The following HEBP2 variants were observed in gnomAD, a reference collection of about 807,000 sequenced individuals.
HEBP2 encodes the protein heme-binding protein 2.
In HEBP2, 27 loss-of-function variants were observed where a neutral mutation model predicts 23.1. That is an observed-to-expected ratio of 1.17 (90% CI 0.86 to 1.61). The LOEUF is 1.61. HEBP2 is among the 40% of genes most tolerant of loss of function. The pLI, the probability that HEBP2 is intolerant of heterozygous loss-of-function variation, is 0.00. For synonymous variants in HEBP2, 99 were observed against 95.1 expected, an observed-to-expected ratio of 1.04 and a Z score of -0.24; for missense variants, 245 against 253.8, an observed-to-expected ratio of 0.97 and a Z score of 0.24.
chr6:138,410,542 C>T (rs1051217042), intron 3 of HEBP2, among the ~76,000 whole-genome samples: 2 of 148,672 alleles, frequency 1.3e-5, no homozygotes, highest in East Asian at 2.0e-4. Flanking sequence ...AATACAATGG[C>T]GCAATCTCAG....
Position 138,420,919 on chromosome 6 carries a change from G to A in HEBP2, c.*7841G>A, listed in dbSNP as rs1774916646. The A allele has an allele frequency of 6.6e-6, 1 of 152,004 alleles. No homozygotes were observed. The highest frequency in any genetic ancestry group is 6.6e-5 in the Admixed American group (1 of 15,266). 9.4% of individuals were successfully genotyped at this position (152,004 alleles called of 1,614,324 possible). ...AGCTCAACCACGTTTTCTATCTTTG[G>A]GCCTCCTTGTCTTTACCTAGCACAT... On this transcript the variant is annotated 3_prime_UTR_variant, in exon 4 of 4. Coordinates refer to ENST00000607197, the MANE Select transcript of HEBP2 (RefSeq NM_014320.3).
At position 138,420,385 on chromosome 6, in the gene HEBP2, G is replaced by A. The variant is rs1421889865; in HGVS notation, c.*7307G>A. 1.3e-5 allele frequency: 2 copies of A among 152,332 alleles called. No homozygotes were observed. Among genetic ancestry groups the A allele is most frequent in the Middle Eastern group, 3.4e-3 (1 of 294 alleles). The allele number at this position is 152,332 out of a possible 1,614,324, so 9.4% of individuals were successfully genotyped here. A position where few individuals can be genotyped will look rare whatever the true frequency, so the allele number is the denominator to read the frequency against. ...GCGCCCTGAAACAGTCACTCTCTGC[G>A]TGTTTTTGGGAAAATGGATCCACAT... On this transcript the variant is annotated 3_prime_UTR_variant, in exon 4 of 4. Coordinates refer to ENST00000607197, the MANE Select transcript of HEBP2 (RefSeq NM_014320.3).
intron 1 of HEBP2, 33 bp from the exon 2 acceptor site, chr6:138,405,112 T>A: frequency 6.2e-7 from 1 of 1,604,656 alleles, no homozygotes; most frequent in Non-Finnish European, 8.5e-7. Context: ...CCTCTTAGAA[T>A]TGCTTCTCGA....
rs186403426 is a variant in HEBP2 at position 138,418,819 on chromosome 6, T to A, written c.*5741T>A. On this transcript the variant is annotated 3_prime_UTR_variant, in exon 4 of 4. Transcript: ENST00000607197. ...AAAATTGCAATCTTCCTGCAAAAAC[T>A]GGGCAGAATTTTTTGAGGTACACTG... 2.1e-4 allele frequency: 32 copies of A among 152,230 alleles called. No homozygotes were observed. In the East Asian group the frequency reaches 5.8e-3, roughly 28 times the overall value. 9.4% of individuals were successfully genotyped at this position (152,230 alleles called of 1,614,324 possible).
intron 3 of HEBP2, chr6:138,412,062 A>G (rs1223389448): frequency 2.2e-6 from 1 of 449,838 alleles, no homozygotes; most frequent in African/African-American, 2.0e-5. Context: ...TCTGTAATCC[A>G]GTGTTTATTC....
At position 138,414,194 on chromosome 6, in the gene HEBP2, C is replaced by T. The variant is rs190085675; in HGVS notation, c.*1116C>T. ...TTAAAGGGAGAGGCCACGTTCAGTA[C>T]CCAGAACAAAAAGCTGCACACACTG... On this transcript the variant is annotated 3_prime_UTR_variant, in exon 4 of 4. Transcript: ENST00000607197. The T allele has an allele frequency of 6.6e-6, 1 of 152,378 alleles. No individual in the cohort carries two copies. The highest frequency in any genetic ancestry group is 2.4e-5 in the African/African-American group (1 of 41,544). 9.4% of individuals were successfully genotyped at this position (152,378 alleles called of 1,614,324 possible).
chr6:138,410,571 TC>T (rs1361780420), intron 3 of HEBP2, among the ~76,000 whole-genome samples: 2 of 151,126 alleles, frequency 1.3e-5, no homozygotes, highest in Non-Finnish European at 2.9e-5. Context: ...AATGTCCGCC[TC>T]CCAGGTTCAA....
intron 3 of HEBP2, among the ~76,000 whole-genome samples, chr6:138,409,100 C>T (rs1273909573): frequency 6.6e-6 from 1 of 152,018 alleles, no homozygotes; most frequent in South Asian, 2.1e-4. Context: ...GATCATAGCT[C>T]ACTGCAGCCT....
intron 3 of HEBP2, among the ~76,000 whole-genome samples, chr6:138,409,448 C>T (rs1393865845): frequency 6.6e-6 from 1 of 152,226 alleles, no homozygotes; most frequent in Non-Finnish European, 1.5e-5. Flanking sequence ...ACCATTGTGA[C>T]TTACTCGGGT....
At position 138,419,151 on chromosome 6, in the gene HEBP2, T is replaced by G. The variant is rs201361606; in HGVS notation, c.*6073T>G. 6.6e-6 allele frequency: 1 copy of G among 152,186 alleles called. No individual in the cohort carries two copies. Among genetic ancestry groups the G allele is most frequent in the Admixed American group, 6.6e-5 (1 of 15,256 alleles). The allele number at this position is 152,186 out of a possible 1,614,324, so 9.4% of individuals were successfully genotyped here. On this transcript the variant is annotated 3_prime_UTR_variant, in exon 4 of 4. Coordinates refer to ENST00000607197, the MANE Select transcript of HEBP2 (RefSeq NM_014320.3). ...GTAAAATGCACACATAAAGTGGCAGTGGTGGCAAAGATGGAGGCTATGGAT... is the reference window on the plus strand; with the variant it reads ...GTAAAATGCACACATAAAGTGGCAGGGGTGGCAAAGATGGAGGCTATGGAT...
Position 138,404,363 on chromosome 6 carries a change from C to A in HEBP2, c.-133C>A. The A allele has an allele frequency of 1.9e-6, 1 of 521,826 alleles. No homozygotes were observed. Among genetic ancestry groups the A allele is most frequent in the Non-Finnish European group, 2.8e-6 (1 of 352,858 alleles). The allele number at this position is 521,826 out of a possible 1,614,324, so 32.3% of individuals were successfully genotyped here. The stretch of plus-strand genomic sequence containing the variant: ...ATCGGGTGGGCTCGGGTCTCCAGCC[C>A]GGCCGGGAGGAGGGACCGGGTCTGC... On this transcript the variant is annotated 5_prime_UTR_variant, in exon 1 of 4. Transcript: ENST00000607197.
chr6:138,407,584 A>G (rs796665167), intron 3 of HEBP2, among the ~76,000 whole-genome samples: 7 of 152,316 alleles, frequency 4.6e-5, no homozygotes, highest in African/African-American at 1.7e-4. Flanking sequence ...CAGCTCTACC[A>G]GGCTCGAATT....
chr6:138,404,277 C>T lies in HEBP2; in HGVS notation c.-219C>T, dbSNP rs945769856. The T allele has an allele frequency of 2.7e-5, 9 of 329,130 alleles. No individual in the cohort carries two copies. Among genetic ancestry groups the T allele is most frequent in the African/African-American group, 1.9e-4 (9 of 46,170 alleles). The allele number at this position is 329,130 out of a possible 1,614,324, so 20.4% of individuals were successfully genotyped here. ...ACGCGCAACTCCGGCCGGAGCTGTC[C>T]GGGGTCGTGAGCCGGCCCCGCCTTG... On this transcript the variant is annotated 5_prime_UTR_variant, in exon 1 of 4. Coordinates refer to ENST00000607197, the MANE Select transcript of HEBP2 (RefSeq NM_014320.3).
chr6:138,404,724 T>G, intron 1 of HEBP2, 127 bp downstream of exon 1: 1 of 558,524 alleles, frequency 1.8e-6, no homozygotes, highest in South Asian at 5.9e-5. Context: ...CTACCCACTA[T>G]GCTACGCAAA....
chr6:138,409,689 G>C (rs906096261), intron 3 of HEBP2, among the ~76,000 whole-genome samples: 6 of 152,078 alleles, frequency 3.9e-5, no homozygotes, highest in Non-Finnish European at 8.8e-5. Context: ...CAAAATCTCC[G>C]TTGGATTCCT....
intron 3 of HEBP2, chr6:138,412,191 G>A (rs1447684938): frequency 1.4e-5 from 5 of 367,084 alleles, no homozygotes; most frequent in Admixed American, 3.8e-5. Flanking sequence ...GGATGTGGGA[G>A]CTCGGAGGAA....
chr6:138,412,486 C>G (rs1178651223), intron 3 of HEBP2, among the ~76,000 whole-genome samples: 1 of 152,118 alleles, frequency 6.6e-6, no homozygotes, highest in African/African-American at 2.4e-5. Flanking sequence ...GAGTCTTGCA[C>G]TCTGTCGCCC....
At position 138,420,369 on chromosome 6, in the gene HEBP2, AAC is replaced by A. The variant is rs1366217133; in HGVS notation, c.*7293_*7294del. 5.3e-5 allele frequency: 8 copies of A among 152,198 alleles called. No homozygotes were observed. The highest frequency in any genetic ancestry group is 1.7e-4 in the African/African-American group (7 of 41,430). 9.4% of individuals were successfully genotyped at this position (152,198 alleles called of 1,614,324 possible). A position where few individuals can be genotyped will look rare whatever the true frequency, so the allele number is the denominator to read the frequency against. ...GAAGAGAGGTCCATTGGCGCCCTGAAACAGTCACTCTCTGCGTGTTTTTGGGA... is the reference window on the plus strand; with the variant it reads ...GAAGAGAGGTCCATTGGCGCCCTGAAAGTCACTCTCTGCGTGTTTTTGGGA... On this transcript the variant is annotated 3_prime_UTR_variant, in exon 4 of 4. Coordinates refer to ENST00000607197, the MANE Select transcript of HEBP2 (RefSeq NM_014320.3).
At chr6:138,411,132 C>A (rs1157101984) in intron 3 of HEBP2, among the ~76,000 whole-genome samples, 1 of 152,168 alleles carries the variant, frequency 6.6e-6, no homozygotes. Flanking sequence ...TATTCTTAAC[C>A]CTCAAAATCA....
Sources: gnomAD v4.1 joint callset for allele counts (sites outside exome capture counted in the v4.1 genomes callset) on GRCh38, gnomAD v4.1.1 for gene constraint, MANE v1.5 for transcripts, NCBI Gene and HGNC (gene_info 2026-07-23, HGNC 2026-07-21) for gene names.